The following FILIP1 variants were observed in gnomAD, a reference collection of about 807,000 sequenced individuals.
FILIP1 encodes filamin A interacting protein 1.
Under a neutral mutation model 102.1 loss-of-function variants are expected in FILIP1, and 61 were observed. The observed-to-expected ratio is 0.60, with a 90% CI of 0.49 to 0.74. The LOEUF is 0.74. Ranked by LOEUF, FILIP1 falls within the 30% of genes least tolerant of loss-of-function variation. The probability of loss-of-function intolerance (pLI) is 0.00; values close to 1 mark genes in which losing one functional copy is unlikely to be tolerated. For synonymous variants in FILIP1, 491 were observed against 526.9 expected, an observed-to-expected ratio of 0.93 and a Z score of 0.93; for missense variants, 1,314 against 1,441.2, an observed-to-expected ratio of 0.91 and a Z score of 1.43.
chr6:75,414,654 A>G (rs1293999115), intron 2 of FILIP1, 43 bp downstream of exon 2: 16 of 1,566,156 alleles, frequency 1.0e-5, no homozygotes, highest in Non-Finnish European at 1.4e-5. Flanking sequence ...TTTATAGCTT[A>G]GAAACCAAAG....
At chr6:75,405,004 T>G (rs530776394) in intron 2 of FILIP1, among the ~76,000 whole-genome samples, 4 of 152,316 alleles carry the variant, frequency 2.6e-5, no homozygotes, top group Admixed American at 1.3e-4. Context: ...CTTCTTTCTA[T>G]GCCTTTCTCA....
chr6:75,371,071 T>C (rs184126486), intron 2 of FILIP1, among the ~76,000 whole-genome samples: 52 of 152,348 alleles, frequency 3.4e-4, no homozygotes, highest in African/African-American at 1.2e-3. Flanking sequence ...CTATGTAATG[T>C]ATAATGTTAT....
At chr6:75,310,183 G>T (rs906496928) in intron 5 of FILIP1, among the ~76,000 whole-genome samples, 1 of 152,190 alleles carries the variant, frequency 6.6e-6, no homozygotes, top group Non-Finnish European at 1.5e-5. Flanking sequence ...TCGTGCCTTC[G>T]CACATGCTGT....
Position 75,451,773 on chromosome 6 carries a change from C to T in FILIP1, c.-6-36795G>A, listed in dbSNP as rs958612114. Among the ~76,000 whole-genome samples, 128 of 152,038 alleles carry T rather than the reference C, an allele frequency of 8.4e-4. 1 individual carries two copies. Among genetic ancestry groups the T allele is most frequent in the African/African-American group, 3.0e-3 (124 of 41,456 alleles). On this transcript the variant is annotated intron_variant, in intron 1 of 5. Coordinates refer to ENST00000237172, the MANE Select transcript of FILIP1 (RefSeq NM_015687.5). ...CGCTTGAACCCAGGAAGCGGAGATT[C>T]CAGTGAGCCGAGATTGAGCCATTGC...
intron 2 of FILIP1, among the ~76,000 whole-genome samples, chr6:75,388,421 G>C (rs994942139): frequency 1.3e-5 from 2 of 152,190 alleles, no homozygotes; most frequent in Admixed American, 1.3e-4. Flanking sequence ...TGTGAAGAAA[G>C]TCAATGGTAG....
At chr6:75,374,413 C>T (rs1311559971) in intron 2 of FILIP1, among the ~76,000 whole-genome samples, 2 of 152,112 alleles carry the variant, frequency 1.3e-5, no homozygotes, top group Admixed American at 6.5e-5. Context: ...GAGTCTTGCT[C>T]TGTCGCCCAG....
downstream of FILIP1, among the ~76,000 whole-genome samples, chr6:75,306,878 C>T (rs575692013): frequency 1.6e-4 from 19 of 120,858 alleles, no homozygotes; most frequent in East Asian, 5.1e-3. Context: ...TCTTGGCTCA[C>T]TGCAACCTCT....
intron 4 of FILIP1, among the ~76,000 whole-genome samples, chr6:75,344,899 A>G (rs558937633): frequency 6.6e-6 from 1 of 152,350 alleles, no homozygotes; most frequent in African/African-American, 2.4e-5. Flanking sequence ...AGCCTGAGCA[A>G]CAGAGCAAGA....
intron 5 of FILIP1, among the ~76,000 whole-genome samples, chr6:75,310,005 T>A (rs1017640984): frequency 6.6e-6 from 1 of 152,232 alleles, no homozygotes; most frequent in Admixed American, 6.5e-5. Flanking sequence ...CTTTATCTAA[T>A]CTATAAATAT....
chr6:75,357,253 G>A (rs1278962414), intron 3 of FILIP1: 2 of 152,208 alleles, frequency 1.3e-5, no homozygotes, highest in African/African-American at 4.8e-5. Flanking sequence ...TGGAGAGGAA[G>A]GTGGCAGCAT....
chr6:75,397,057 C>T (rs1776486241), intron 2 of FILIP1, among the ~76,000 whole-genome samples: 1 of 151,504 alleles, frequency 6.6e-6, no homozygotes, highest in Non-Finnish European at 1.5e-5. Flanking sequence ...GGAGATATAC[C>T]TAATGTTAAC....
intron 2 of FILIP1, chr6:75,386,253 AT>A (rs1482790016): frequency 7.9e-5 from 12 of 152,308 alleles, no homozygotes; most frequent in African/African-American, 2.9e-4. Context: ...CATGGTGAAG[AT>A]GACTAAATAG....
chr6:75,397,580 G>GT (rs1776509510), intron 2 of FILIP1, among the ~76,000 whole-genome samples: 1 of 47,296 alleles, frequency 2.1e-5, no homozygotes, highest in South Asian at 7.4e-4. Flanking sequence ...ACACACACAC[G>GT]TATACATATA....
intron 3 of FILIP1, among the ~76,000 whole-genome samples, chr6:75,356,625 C>A (rs1216079050): frequency 6.6e-6 from 1 of 152,120 alleles, no homozygotes; most frequent in Non-Finnish European, 1.5e-5. Context: ...CCCACCACCA[C>A]ACCCAGCTAG....
intron 2 of FILIP1, among the ~76,000 whole-genome samples, chr6:75,390,166 C>G (rs1205161375): frequency 6.6e-6 from 1 of 152,152 alleles, no homozygotes; most frequent in Non-Finnish European, 1.5e-5. Context: ...CCCAACAACT[C>G]AGAAGCAGAT....
intron 3 of FILIP1, among the ~76,000 whole-genome samples, chr6:75,358,078 C>A (rs559473320): frequency 6.6e-6 from 1 of 152,010 alleles, no homozygotes; most frequent in Non-Finnish European, 1.5e-5. Flanking sequence ...ACACCAAATG[C>A]CAAAAATTTA....
intron 4 of FILIP1, chr6:75,319,885 G>A: frequency 4.3e-6 from 2 of 463,486 alleles, no homozygotes; most frequent in East Asian, 4.8e-5. Context: ...AAGCACCTGG[G>A]TGCTTCTTCT....
intron 2 of FILIP1, among the ~76,000 whole-genome samples, chr6:75,368,801 T>A (rs995458691): frequency 2.0e-5 from 3 of 151,862 alleles, no homozygotes; most frequent in African/African-American, 7.3e-5. Flanking sequence ...ATGCAATGAG[T>A]TTGGATTTTG....
Position 75,314,038 on chromosome 6 carries a change from C to T in FILIP1, c.1794G>A (p.Lys598=), listed in dbSNP as rs267601127. The change falls in exon 5 of 6, where the codon AAG becomes AAA. Residue 598 remains lysine, a synonymous_variant. Transcript: ENST00000237172. ...CCACTTCCTCTATACCATCAAGTCTCTTCTTTAGTAAGTCAACACTGCAGC... is the reference window on the plus strand; with the variant it reads ...CCACTTCCTCTATACCATCAAGTCTTTTCTTTAGTAAGTCAACACTGCAGC... The part of the protein sequence containing the change: ...ELSCSVDLLK[K]RLDGIEEVER... The T allele has an allele frequency of 5.3e-6, 8 of 1,523,122 alleles. No individual in the cohort carries two copies. The highest frequency in any genetic ancestry group is 2.3e-5 in the East Asian group (1 of 43,584). 94.4% of individuals were successfully genotyped at this position (1,523,122 alleles called of 1,614,324 possible).
Sources: allele counts gnomAD v4.1 joint callset (sites outside exome capture counted in the v4.1 genomes callset), GRCh38; gene constraint gnomAD v4.1.1; transcripts MANE v1.5; gene names NCBI Gene and HGNC (gene_info 2026-07-23, HGNC 2026-07-21).